TM4SF4: variants seen among roughly 807,000 people sequenced by gnomAD.
TM4SF4 encodes transmembrane 4 L6 family member 4.
A neutral mutation model predicts 24.1 loss-of-function variants in TM4SF4; 24 were observed. The ratio of observed to expected loss-of-function variants is 1.00; its 90% CI spans 0.72 to 1.40. The LOEUF (loss-of-function observed/expected upper bound fraction) is 1.40, where lower values mean the gene tolerates loss of function less well. TM4SF4 is among the 40% of genes most tolerant of loss of function. TM4SF4 has a pLI of 0.00. For missense variants in TM4SF4, 254 were observed against 254.2 expected (o/e 1.00, Z 0.01); for synonymous variants, 113 against 97.0 (o/e 1.17, Z -0.97).
intron 2 of TM4SF4, among the ~76,000 whole-genome samples, chr3:149,487,271 G>T (rs967491181): frequency 6.6e-6 from 1 of 152,036 alleles, no homozygotes; most frequent in African/African-American, 2.4e-5. Flanking sequence ...AAAAGATTAC[G>T]CCAATCCTAA....
chr3:149,497,703 G>T (rs1021135810), intron 3 of TM4SF4, among the ~76,000 whole-genome samples: 2 of 152,042 alleles, frequency 1.3e-5, no homozygotes, highest in African/African-American at 4.8e-5. Context: ...GGAGTGCAAT[G>T]GCATGATCTT....
intron 2 of TM4SF4, among the ~76,000 whole-genome samples, chr3:149,481,870 G>A (rs1228031755): frequency 6.6e-6 from 1 of 152,250 alleles, no homozygotes; most frequent in African/African-American, 2.4e-5. Flanking sequence ...GCAGCTGCGA[G>A]GGAATTAGCC....
At chr3:149,475,763 C>T (rs1187915058) in intron 1 of TM4SF4, 60 bp from the exon 2 acceptor site, 26 of 1,437,540 alleles carry the variant, frequency 1.8e-5, no homozygotes, top group Non-Finnish European at 2.4e-5. Context: ...TACAGTCAGG[C>T]AGGCTCGGGC....
intron 2 of TM4SF4, among the ~76,000 whole-genome samples, chr3:149,476,792 G>GTTTTTTTTTTTTTTTTTTTTT (rs1222196664): frequency 9.7e-6 from 1 of 102,854 alleles, no homozygotes; most frequent in Admixed American, 1.1e-4. Flanking sequence ...TTTCTTTTCT[G>GTTTTTTTTTTTTTTTTTTTTT]TTTTTTTTTG....
At position 149,502,621 on chromosome 3, in the gene TM4SF4, C is replaced by T. The variant is rs920932363; in HGVS notation, c.592-55C>T. The T allele has an allele frequency of 2.8e-6, 4 of 1,447,524 alleles. No homozygotes were observed. In the African/African-American group the frequency reaches 4.2e-5, roughly 15 times the overall value. 89.7% of individuals were successfully genotyped at this position (1,447,524 alleles called of 1,614,324 possible). ...ATGGGGATGGGAAGGAGGGGAAAAG[C>T]AAAAATTTACATAAATCATGACATC... is the stretch of plus-strand genomic sequence containing the variant. On this transcript the variant is annotated intron_variant, in intron 4 of 4. Coordinates refer to ENST00000305354, the MANE Select transcript of TM4SF4 (RefSeq NM_004617.4).
At chr3:149,485,796 A>G (rs1440380035) in intron 2 of TM4SF4, among the ~76,000 whole-genome samples, 2 of 151,748 alleles carry the variant, frequency 1.3e-5, no homozygotes, top group African/African-American at 4.8e-5. Flanking sequence ...CTGTCTAAAA[A>G]CAAAAACAAA....
intron 3 of TM4SF4, among the ~76,000 whole-genome samples, chr3:149,497,637 A>T (rs1212352335): frequency 6.6e-6 from 1 of 152,108 alleles, no homozygotes; most frequent in East Asian, 1.9e-4. Flanking sequence ...CCTTCAAGGC[A>T]CAATGCCCTT....
intron 2 of TM4SF4, among the ~76,000 whole-genome samples, chr3:149,476,204 G>A (rs1204258611): frequency 6.6e-6 from 1 of 152,248 alleles, no homozygotes; most frequent in Non-Finnish European, 1.5e-5. Context: ...AAGCCTGGAA[G>A]GCAGAGATGA....
At chr3:149,476,808 G>GTT (rs1478962432) in intron 2 of TM4SF4, among the ~76,000 whole-genome samples, 6 of 47,402 alleles carry the variant, frequency 1.3e-4, no homozygotes, top group South Asian at 4.4e-4. Flanking sequence ...TTTTGTTTTT[G>GTT]TTTTTGTTTT....
rs373965119 is a variant in TM4SF4, at chr3:149,502,719, C to G, written c.*26C>G. ...ACCTCCGAGATGAGCTGCTCAGACT[C>G]TACAGCATGACGACTACAATTTCTT... On this transcript the variant is annotated 3_prime_UTR_variant, in exon 5 of 5. Coordinates refer to ENST00000305354, the MANE Select transcript of TM4SF4 (RefSeq NM_004617.4). The G allele has an allele frequency of 3.8e-6, 6 of 1,561,636 alleles. No homozygotes were observed. Among genetic ancestry groups the G allele is most frequent in the Non-Finnish European group, 4.4e-6 (5 of 1,134,444 alleles).
intron 2 of TM4SF4, among the ~76,000 whole-genome samples, chr3:149,483,660 A>G (rs1331231221): frequency 6.6e-6 from 1 of 152,182 alleles, no homozygotes; most frequent in Non-Finnish European, 1.5e-5. Flanking sequence ...AACTTCAAAA[A>G]AGCTCCTTAG....
chr3:149,500,788 C>T (rs559503550), intron 4 of TM4SF4, among the ~76,000 whole-genome samples: 1 of 152,282 alleles, frequency 6.6e-6, no homozygotes, highest in African/African-American at 2.4e-5. Context: ...AAGAAGATCA[C>T]TTGAACCCAA....
Position 149,487,732 on chromosome 3 carries a change from A to C in TM4SF4, c.378A>C (p.Thr126=), listed in dbSNP as rs571739504. 7 of 1,614,030 alleles carry C rather than the reference A, an allele frequency of 4.3e-6. No individual in the cohort carries two copies. In the East Asian group the frequency reaches 1.6e-4, roughly 36 times the overall value. The change falls in exon 3 of 5, where the codon ACA becomes ACC. Residue 126 remains threonine (T), a synonymous_variant. Transcript: ENST00000305354. ...CTAAATGCCTCATGGCCAATAGTAC[A>C]TGGGGCTACCCCTTCCACGACGGGT... The part of the protein sequence containing the change: ...KGPKCLMANS[T]WGYPFHDGDY...
At chr3:149,487,234 G>T (rs1392418057) in intron 2 of TM4SF4, among the ~76,000 whole-genome samples, 1 of 152,090 alleles carries the variant, frequency 6.6e-6, no homozygotes, top group South Asian at 2.1e-4. Flanking sequence ...CAGACTGAGC[G>T]ACAAGGGTGA....
chr3:149,502,145 TG>T (rs1734439792), intron 4 of TM4SF4, among the ~76,000 whole-genome samples: 1 of 152,226 alleles, frequency 6.6e-6, no homozygotes, highest in Admixed American at 6.5e-5. Flanking sequence ...ACACAATCTC[TG>T]GGTTCTGCCT....
At position 149,502,685 on chromosome 3, in the gene TM4SF4, C is replaced by G. The variant is rs769343587; in HGVS notation, c.601C>G (p.Pro201Ala). ...CTTTTCTACCTTCTAGGGAGATGGA[C>G]CCGTTTAAACCTCCGAGATGAGCTG... is the stretch of plus-strand genomic sequence containing the variant. ...QCCGCCGGDG[P>A]V The change falls in exon 5 of 5, where the codon CCC becomes GCC. Residue 201 changes from proline (P) to alanine (A), a missense_variant. Transcript: ENST00000305354. 8.1e-6 allele frequency: 13 copies of G among 1,602,340 alleles called. No individual in the cohort carries two copies. Among genetic ancestry groups the G allele is most frequent in the Non-Finnish European group, 1.1e-5 (13 of 1,169,848 alleles).
chr3:149,478,118 G>A (rs1034857308), intron 2 of TM4SF4, among the ~76,000 whole-genome samples: 1 of 152,190 alleles, frequency 6.6e-6, no homozygotes, highest in African/African-American at 2.4e-5. Flanking sequence ...TGAAATCCAA[G>A]ATGAAGGCAA....
At chr3:149,476,816 T>TG (rs1733939369) in intron 2 of TM4SF4, among the ~76,000 whole-genome samples, 1 of 115,148 alleles carries the variant, frequency 8.7e-6, no homozygotes, top group Non-Finnish European at 1.9e-5. Context: ...TTGTTTTTGT[T>TG]TTTTTTTTTT....
At chr3:149,487,270 C>T (rs888504854) in intron 2 of TM4SF4, among the ~76,000 whole-genome samples, 7 of 152,062 alleles carry the variant, frequency 4.6e-5, no homozygotes, top group East Asian at 1.9e-4. Context: ...AAAAAGATTA[C>T]GCCAATCCTA....
Sources: gnomAD v4.1 joint callset for allele counts (sites outside exome capture counted in the v4.1 genomes callset) on GRCh38, gnomAD v4.1.1 for gene constraint, MANE v1.5 for transcripts, NCBI Gene and HGNC (gene_info 2026-07-23, HGNC 2026-07-21) for gene names.